HIPK3: variants seen among roughly 807,000 people sequenced by gnomAD.
HIPK3 encodes the protein homeodomain-interacting protein kinase 3.
Under a neutral mutation model 124.2 loss-of-function variants are expected in HIPK3, and 47 were observed. The observed-to-expected ratio is 0.38, with a 90% CI of 0.30 to 0.48. HIPK3 has a LOEUF of 0.48. HIPK3 is among the 20% of genes least tolerant of loss of function. The pLI, the probability that HIPK3 is intolerant of heterozygous loss-of-function variation, is 0.98. For missense variants in HIPK3, 1,286 were observed against 1,454.3 expected (o/e 0.88, Z 1.88); for synonymous variants, 482 against 515.2 (o/e 0.94, Z 0.87).
At chr11:33,293,946 C>T (rs538540584) in intron 2 of HIPK3, among the ~76,000 whole-genome samples, 20 of 152,172 alleles carry the variant, frequency 1.3e-4, no homozygotes, top group African/African-American at 3.6e-4. Flanking sequence ...GCAGGTGGAT[C>T]GCCTGAGGTC....
At chr11:33,285,096 T>C (rs749173381) in intron 1 of HIPK3, among the ~76,000 whole-genome samples, 9 of 152,208 alleles carry the variant, frequency 5.9e-5, no homozygotes, top group Non-Finnish European at 7.3e-5. Context: ...CTTTCATATC[T>C]ATGTTATATC....
chr11:33,322,538 A>G (rs1363523968), intron 2 of HIPK3, among the ~76,000 whole-genome samples: 2 of 152,158 alleles, frequency 1.3e-5, no homozygotes. Context: ...TCCTTTAAAA[A>G]CTAGTGCCCA....
intron 2 of HIPK3, among the ~76,000 whole-genome samples, chr11:33,305,681 C>A (rs985733914): frequency 6.6e-6 from 1 of 152,314 alleles, no homozygotes; most frequent in South Asian, 2.1e-4. Flanking sequence ...TTTCTCTCAT[C>A]TTCCTGAAAA....
At chr11:33,329,560 G>T (rs1852911631) in intron 3 of HIPK3, among the ~76,000 whole-genome samples, 1 of 152,132 alleles carries the variant, frequency 6.6e-6, no homozygotes, top group Admixed American at 6.5e-5. Flanking sequence ...TTCCTGAGAT[G>T]ACTCTGTCAT....
chr11:33,259,636 A>G (rs1245648174), intron 1 of HIPK3, among the ~76,000 whole-genome samples: 2 of 152,068 alleles, frequency 1.3e-5, no homozygotes, highest in Non-Finnish European at 2.9e-5. Context: ...TTATTTCTGA[A>G]CTATAATGCT....
In HIPK3 at chr11:33,295,446, G is replaced by T. The variant is rs532076471; in HGVS notation, c.1097+7935G>T. 8.1e-4 allele frequency among the ~76,000 whole-genome samples: 123 copies of T among 152,312 alleles called. 2 individuals carry two copies. The highest frequency in any genetic ancestry group is 2.5e-3 in the South Asian group (12 of 4,828). ...TGAATATTGGTTGTGTGATTGGTTG[G>T]CTGTGGAGGCCTCGCAATAAAACGT... On this transcript the variant is annotated intron_variant, in intron 2 of 16. Transcript: ENST00000303296.
intron 2 of HIPK3, among the ~76,000 whole-genome samples, chr11:33,317,036 A>T (rs1276658445): frequency 6.7e-6 from 1 of 150,366 alleles, no homozygotes; most frequent in Non-Finnish European, 1.5e-5. Context: ...GGCTGGTGCC[A>T]TCTTGCTTGC....
intron 13 of HIPK3, 136 bp from the exon 14 acceptor site, chr11:33,349,011 C>G: frequency 1.1e-6 from 1 of 914,882 alleles, no homozygotes. Context: ...TTCCTTGTAT[C>G]TGTAAGCTTT....
At position 33,286,717 on chromosome 11, in the gene HIPK3, A is replaced by G; in HGVS notation, c.303A>G (p.Gln101=). Residue 101 remains glutamine (Q), a synonymous_variant, in exon 2 of 17, where the codon CAA becomes CAG. Coordinates refer to ENST00000303296, the MANE Select transcript of HIPK3 (RefSeq NM_005734.5). The part of the protein sequence containing the change: ...ATKVIAAQAQ[Q]AHVQAPQIGA... ...AGGTCATAGCAGCTCAGGCACAGCAAGCTCACGTGCAGGCACCTCAGATTG... is the reference window on the plus strand; with the variant it reads ...AGGTCATAGCAGCTCAGGCACAGCAGGCTCACGTGCAGGCACCTCAGATTG... 6.2e-7 allele frequency: 1 copy of G among 1,614,130 alleles called. No individual in the cohort carries two copies. Among genetic ancestry groups the G allele is most frequent in the Non-Finnish European group, 8.5e-7 (1 of 1,180,016 alleles).
At chr11:33,262,719 A>C (rs920244907) in intron 1 of HIPK3, among the ~76,000 whole-genome samples, 1 of 152,248 alleles carries the variant, frequency 6.6e-6, no homozygotes, top group Non-Finnish European at 1.5e-5. Context: ...ACTGAGGACC[A>C]TATTTTTGAC....
chr11:33,311,001 G>T (rs1305298017), intron 2 of HIPK3, among the ~76,000 whole-genome samples: 1 of 152,166 alleles, frequency 6.6e-6, no homozygotes, highest in African/African-American at 2.4e-5. Context: ...TGCCGGCCCA[G>T]TGGGATGGCT....
intron 1 of HIPK3, among the ~76,000 whole-genome samples, chr11:33,271,807 C>G (rs965715486): frequency 1.3e-5 from 2 of 152,056 alleles, no homozygotes; most frequent in Admixed American, 1.3e-4. Context: ...TTAAAAAAAT[C>G]TCTTCAGCCA....
At chr11:33,348,293 CA>C in intron 12 of HIPK3, 65 bp downstream of exon 12, 1 of 1,407,122 alleles carries the variant, frequency 7.1e-7, no homozygotes, top group Non-Finnish European at 1.0e-6. Flanking sequence ...TGTGGACATT[CA>C]GATAGCACAT....
chr11:33,321,654 TGAG>T (rs1852666353), intron 2 of HIPK3, among the ~76,000 whole-genome samples: 1 of 152,106 alleles, frequency 6.6e-6, no homozygotes, highest in East Asian at 1.9e-4. Context: ...ACAGTGAGGA[TGAG>T]GAGGAGGTGG....
chr11:33,277,094 A>G (rs528239175), intron 1 of HIPK3, among the ~76,000 whole-genome samples: 4 of 152,338 alleles, frequency 2.6e-5, no homozygotes, highest in African/African-American at 7.2e-5. Flanking sequence ...TTAAAAATTA[A>G]TGTAAACCCA....
At chr11:33,264,295 C>T (rs1421455315) in intron 1 of HIPK3, among the ~76,000 whole-genome samples, 1 of 151,956 alleles carries the variant, frequency 6.6e-6, no homozygotes, top group Non-Finnish European at 1.5e-5. Flanking sequence ...AATTCTTGAT[C>T]ATGTTGAACG....
chr11:33,309,218 C>G (rs1852252734), intron 2 of HIPK3, among the ~76,000 whole-genome samples: 1 of 152,130 alleles, frequency 6.6e-6, no homozygotes, highest in Non-Finnish European at 1.5e-5. Context: ...GAGATCCCAC[C>G]CAGGTTCCCA....
Position 33,341,086 on chromosome 11 carries a change from C to T in HIPK3, c.1732C>T (p.Leu578=). ...AGTTGCTTCAAGCAGTACTGCTACA[C>T]TGACTGCAAATTTTACTAAAATCGG... ...RPVASSSTAT[L]TANFTKIGTL... Residue 578 remains leucine, a synonymous_variant, in exon 7 of 17, where the codon CTG becomes TTG. Transcript: ENST00000303296. 1 of 1,602,042 alleles carries T rather than the reference C, an allele frequency of 6.2e-7. No individual in the cohort carries two copies. The highest frequency in any genetic ancestry group is 8.5e-7 in the Non-Finnish European group (1 of 1,175,942).
intron 2 of HIPK3, among the ~76,000 whole-genome samples, chr11:33,292,137 G>A (rs771272311): frequency 1.3e-5 from 2 of 152,130 alleles, no homozygotes; most frequent in South Asian, 2.1e-4. Flanking sequence ...AGTGCCTTTC[G>A]TTATATTTTC....
Sources: gnomAD v4.1 joint callset for allele counts (sites outside exome capture counted in the v4.1 genomes callset) on GRCh38, gnomAD v4.1.1 for gene constraint, MANE v1.5 for transcripts, NCBI Gene and HGNC (gene_info 2026-07-23, HGNC 2026-07-21) for gene names.